The following CALB2 variants were observed in gnomAD, a reference collection of about 807,000 sequenced individuals.
CALB2 encodes the protein calbindin 2.
CALB2 carries 34 observed loss-of-function variants against 45.9 expected under a neutral mutation model. The observed-to-expected ratio is 0.74, with a 90% CI of 0.56 to 0.99. The LOEUF (loss-of-function observed/expected upper bound fraction) is 0.99, where lower values mean the gene tolerates loss of function less well. Ranked by LOEUF, CALB2 falls within the 50% of genes least tolerant of loss-of-function variation. CALB2 has a pLI of 0.00. For missense variants in CALB2, 344 were observed against 339.3 expected (o/e 1.01, Z -0.11); for synonymous variants, 142 against 129.6 (o/e 1.10, Z -0.65).
At chr16:71,385,789 T>G in intron 10 of CALB2, 141 bp downstream of exon 10, 1 of 618,192 alleles carries the variant, frequency 1.6e-6, no homozygotes. Context: ...TTTTGTGGGT[T>G]TGCTTTTGGT....
At chr16:71,365,157 C>A (rs1183041444) in intron 1 of CALB2, among the ~76,000 whole-genome samples, 5 of 152,216 alleles carry the variant, frequency 3.3e-5, no homozygotes, top group Non-Finnish European at 7.3e-5. Context: ...GGTTAGAGGA[C>A]TGTTTGCCTT....
intron 1 of CALB2, among the ~76,000 whole-genome samples, chr16:71,363,083 CTGAGGCAGGAAGATGGCT>C (rs1411860699): frequency 1.3e-5 from 2 of 151,546 alleles, no homozygotes; most frequent in African/African-American, 4.9e-5. Context: ...ACTTGAGAGG[CTGAGGCAGGAAGATGGCT>C]TGAGCCCAGG....
chr16:71,372,562 T>TA (rs1192844693), intron 2 of CALB2, among the ~76,000 whole-genome samples: 1 of 152,168 alleles, frequency 6.6e-6, no homozygotes, highest in Non-Finnish European at 1.5e-5. Context: ...CTCAGGTGCT[T>TA]AGGGGTCATG....
At position 71,377,757 on chromosome 16, in the gene CALB2, A is replaced by G. The variant is rs1439108565; in HGVS notation, c.342+10A>G. The stretch of plus-strand genomic sequence containing the variant: ...CGCCGAGTTTATGGAGGTGAGGCCA[A>G]GGCACCACCTTCTTTCTAAGCACTG... On this transcript the variant is annotated intron_variant, in intron 4 of 10. Coordinates refer to ENST00000302628, the MANE Select transcript of CALB2 (RefSeq NM_001740.5). 6.2e-7 allele frequency: 1 copy of G among 1,602,672 alleles called. No individual in the cohort carries two copies. The highest frequency in any genetic ancestry group is 1.1e-5 in the South Asian group (1 of 90,826).
intron 1 of CALB2, among the ~76,000 whole-genome samples, chr16:71,367,444 C>G (rs1461678142): frequency 1.3e-5 from 2 of 152,182 alleles, no homozygotes; most frequent in Admixed American, 6.5e-5. Context: ...CTCCTCTACC[C>G]CAGCCTCTAG....
chr16:71,386,793 G>A (rs1033407646), intron 10 of CALB2, among the ~76,000 whole-genome samples: 2 of 152,176 alleles, frequency 1.3e-5, no homozygotes, highest in East Asian at 3.8e-4. Flanking sequence ...AAAATTATCT[G>A]CAGTCTCTAT....
intron 4 of CALB2, 56 bp downstream of exon 4, chr16:71,377,803 T>G (rs1448549293): frequency 4.5e-6 from 6 of 1,321,022 alleles, no homozygotes; most frequent in Non-Finnish European, 6.6e-6. Flanking sequence ...TCCTCCTGTG[T>G]TCAGAGCCAG....
chr16:71,385,390 C>G lies in CALB2; in HGVS notation c.628-187C>G, dbSNP rs1455577248. The stretch of plus-strand genomic sequence containing the variant: ...ATGAAAGGCTACCCAAAGCTTGCAC[C>G]CACTGCCACCTTCCTGCCATGACTG... On this transcript the variant is annotated intron_variant, in intron 9 of 10. Coordinates refer to ENST00000302628, the MANE Select transcript of CALB2 (RefSeq NM_001740.5). 6.2e-6 allele frequency: 3 copies of G among 485,484 alleles called. No individual in the cohort carries two copies. In the East Asian group the frequency reaches 9.3e-5, roughly 15 times the overall value. The allele number at this position is 485,484 out of a possible 1,614,324, so 30.1% of individuals were successfully genotyped here.
At chr16:71,371,374 A>T (rs1401863400) in intron 1 of CALB2, among the ~76,000 whole-genome samples, 1 of 151,976 alleles carries the variant, frequency 6.6e-6, no homozygotes, top group African/African-American at 2.4e-5. Context: ...GTTTCCTAGG[A>T]CTGTTATAGC....
At chr16:71,376,942 C>T (rs1197037608) in intron 3 of CALB2, among the ~76,000 whole-genome samples, 1 of 152,186 alleles carries the variant, frequency 6.6e-6, no homozygotes, top group African/African-American at 2.4e-5. Context: ...AGCAGCCCTT[C>T]CCCGACATTG....
intron 1 of CALB2, among the ~76,000 whole-genome samples, chr16:71,366,024 C>CTTTT (rs1171021532): frequency 3.1e-4 from 14 of 45,064 alleles, no homozygotes; most frequent in South Asian, 7.9e-4. Context: ...CTCTCTCTCT[C>CTTTT]TTTTTTTTTT....
At chr16:71,378,872 A>C (rs182235280) in intron 4 of CALB2, among the ~76,000 whole-genome samples, 1 of 152,328 alleles carries the variant, frequency 6.6e-6, no homozygotes, top group Admixed American at 6.5e-5. Flanking sequence ...CTAGAGAAGG[A>C]TGGACTTATG....
At chr16:71,359,439 C>T (rs1307390197) in intron 1 of CALB2, among the ~76,000 whole-genome samples, 3 of 152,170 alleles carry the variant, frequency 2.0e-5, no homozygotes, top group Middle Eastern at 3.2e-3. Flanking sequence ...ATTTTCCAGC[C>T]GCCGTGGGCA....
At chr16:71,382,669 G>A (rs745900487) in intron 4 of CALB2, 50 bp from the exon 5 acceptor site, 14 of 1,586,816 alleles carry the variant, frequency 8.8e-6, no homozygotes, top group Non-Finnish European at 1.0e-5. Context: ...AGGGAGGTGG[G>A]TAGATTTTGA....
chr16:71,387,107 G>C (rs2042579013), intron 10 of CALB2, among the ~76,000 whole-genome samples: 1 of 152,190 alleles, frequency 6.6e-6, no homozygotes, highest in Admixed American at 6.5e-5. Flanking sequence ...GTCTTCATGA[G>C]ACTCTGTCTT....
chr16:71,378,301 C>A (rs1050202653), intron 4 of CALB2, among the ~76,000 whole-genome samples: 2 of 151,026 alleles, frequency 1.3e-5, no homozygotes, highest in African/African-American at 4.9e-5. Context: ...TCTTTTGAGG[C>A]CAGGGTTTCA....
At chr16:71,389,593 G>A (rs920443088) in intron 10 of CALB2, 156 bp from the exon 11 acceptor site, 2 of 759,020 alleles carry the variant, frequency 2.6e-6, no homozygotes, top group East Asian at 2.5e-5. Context: ...CCATCTGTCT[G>A]ACTCCAAAAT....
At chr16:71,363,895 TCTCTGAACCCTGTTAGTGAAC>T (rs2042256863) in intron 1 of CALB2, among the ~76,000 whole-genome samples, 1 of 152,158 alleles carries the variant, frequency 6.6e-6, no homozygotes, top group Non-Finnish European at 1.5e-5. Flanking sequence ...AGGAGCGCTT[TCTCTGAACCCTGTTAGTGAAC>T]CTCTGGGGGT....
Position 71,358,891 on chromosome 16 carries a change from G to A in CALB2, c.94+5G>A, listed in dbSNP as rs1412654000. The A allele has an allele frequency of 1.2e-6, 2 of 1,612,088 alleles. No homozygotes were observed. The highest frequency in any genetic ancestry group is 1.7e-6 in the Non-Finnish European group (2 of 1,179,156). On this transcript the variant is annotated splice_donor_5th_base_variant and intron_variant, in intron 1 of 10. Coordinates refer to ENST00000302628, the MANE Select transcript of CALB2 (RefSeq NM_001740.5). Reference sequence around the variant, plus strand: ...GGAAGCACTTTGACGCAGACGGTCAGTAAAGCTCCCAACTTCTGTGCCCAT... The same window carrying A: ...GGAAGCACTTTGACGCAGACGGTCAATAAAGCTCCCAACTTCTGTGCCCAT...
Sources: gnomAD v4.1 joint callset for allele counts (sites outside exome capture counted in the v4.1 genomes callset) on GRCh38, gnomAD v4.1.1 for gene constraint, MANE v1.5 for transcripts, NCBI Gene and HGNC (gene_info 2026-07-23, HGNC 2026-07-21) for gene names.